The following BCL11B variants were observed in gnomAD, a reference collection of about 807,000 sequenced individuals.
The protein encoded by BCL11B is BCL11 transcription factor B.
A neutral mutation model predicts 49.9 loss-of-function variants in BCL11B; 8 were observed. The observed-to-expected ratio is 0.16, with a 90% CI of 0.09 to 0.29. The LOEUF (loss-of-function observed/expected upper bound fraction) is 0.29, where lower values mean the gene tolerates loss of function less well. Ranked by LOEUF, BCL11B falls within the 10% of genes least tolerant of loss-of-function variation. The probability of loss-of-function intolerance (pLI) is 1.00; values close to 1 mark genes in which losing one functional copy is unlikely to be tolerated. For missense variants in BCL11B, 1,006 were observed against 1,351.0 expected, an observed-to-expected ratio of 0.74 and a Z score of 4.00; for synonymous variants, 739 against 637.4, an observed-to-expected ratio of 1.16 and a Z score of -2.40.
intron 1 of BCL11B, 76 bp downstream of exon 1, chr14:99,271,085 C>T (rs1889663137): frequency 5.6e-6 from 8 of 1,418,228 alleles, no homozygotes; most frequent in Non-Finnish European, 7.4e-6. Context: ...CTCGGCTGTT[C>T]CGGGCTCGGT....
chr14:99,177,144 G>A (rs1371395105), intron 3 of BCL11B, among the ~76,000 whole-genome samples: 1 of 151,996 alleles, frequency 6.6e-6, no homozygotes, highest in East Asian at 1.9e-4. Context: ...AACACCGCTT[G>A]GAATTCCACC....
rs1486331322 is a variant in BCL11B at position 99,241,120 on chromosome 14, C to G, written c.428-9563G>C. On this transcript the variant is annotated intron_variant, in intron 2 of 3. Transcript: ENST00000357195. The surrounding 1 kb of genome is among the most constrained non-coding windows in gnomAD (Gnocchi z 4.4). ...GCAAAGATCCCGCGATAAGACAAGC[C>G]TCTTCTCCCTACAGGAGTGCCCAGT... Among the ~76,000 whole-genome samples the G allele has an allele frequency of 6.6e-6, 1 of 152,146 alleles. No individual in the cohort carries two copies. Among genetic ancestry groups the G allele is most frequent in the African/African-American group, 2.4e-5 (1 of 41,438 alleles).
Position 99,174,505 on chromosome 14 carries a change from C to T in BCL11B, c.2331G>A (p.Pro777=), listed in dbSNP as rs745579908. The part of the protein sequence containing the change: ...RSGTASGGST[P]HLGGPGPGRP... ...GCCCGGGGCCCGGGCCGCCCAGGTG[C>T]GGGGTGCTGCCTCCGCTGGCCGTGC... The change falls in exon 4 of 4, where the codon CCG becomes CCA. Residue 777 remains proline, a synonymous_variant. Transcript: ENST00000357195. 1.3e-6 allele frequency: 2 copies of T among 1,542,806 alleles called. No individual in the cohort carries two copies. The highest frequency in any genetic ancestry group is 2.5e-5 in the East Asian group (1 of 40,592).
chr14:99,191,103 T>G (rs1312212669), intron 3 of BCL11B, among the ~76,000 whole-genome samples: 1 of 152,156 alleles, frequency 6.6e-6, no homozygotes, highest in African/African-American at 2.4e-5. Context: ...TGTTGTCAGT[T>G]AGAAAAAAAC....
intron 3 of BCL11B, among the ~76,000 whole-genome samples, chr14:99,198,357 G>A (rs901959946): frequency 1.3e-5 from 2 of 152,176 alleles, no homozygotes; most frequent in African/African-American, 4.8e-5. Flanking sequence ...GACATCGAAC[G>A]GCTGAGCTCT....
chr14:99,237,678 G>A (rs1400272514), intron 2 of BCL11B, among the ~76,000 whole-genome samples: 1 of 152,178 alleles, frequency 6.6e-6, no homozygotes, highest in Non-Finnish European at 1.5e-5. Context: ...GCAACGAAAA[G>A]GGAAAGTCAG....
intron 2 of BCL11B, among the ~76,000 whole-genome samples, chr14:99,253,314 A>T (rs1003990652): frequency 1.3e-5 from 2 of 152,198 alleles, no homozygotes; most frequent in Non-Finnish European, 2.9e-5. Flanking sequence ...GACGGGAGAG[A>T]GTCTACTCCA....
At position 99,174,154 on chromosome 14, in the gene BCL11B, G is replaced by C; in HGVS notation, c.2682C>G (p.Ser894Arg). Residue 894 changes from serine (S) to arginine (R), a missense_variant, in exon 4 of 4, where the codon AGC becomes AGG. Ser to Arg is a moderately radical substitution (Grantham distance 110, BLOSUM62 -1). Transcript: ENST00000357195. ...NDVKIEQAER[S>R] Reference sequence around the variant, plus strand: ...CGGGGCGCCGGGGCCCGCGCGCTTAGCTCCTCTCGGCCTGCTCGATTTTGA... The same window carrying C: ...CGGGGCGCCGGGGCCCGCGCGCTTACCTCCTCTCGGCCTGCTCGATTTTGA... The C allele has an allele frequency of 6.2e-7, 1 of 1,611,806 alleles. No individual in the cohort carries two copies. Among genetic ancestry groups the C allele is most frequent in the South Asian group, 1.1e-5 (1 of 91,062 alleles).
chr14:99,174,569 G>A lies in BCL11B; in HGVS notation c.2267C>T (p.Pro756Leu). Residue 756 changes from proline to leucine, a missense_variant, in exon 4 of 4, where the codon CCC (proline) becomes CTC (leucine). By Grantham distance (98) the Pro-to-Leu change is moderately conservative. Coordinates refer to ENST00000357195, the MANE Select transcript of BCL11B (RefSeq NM_138576.4). ...GAGGCCGCCGTCCAGCAGGTCCCCG[G>A]GCGGCGTGGAGAAGCGCAGGCTGCC... ...ENGSLRFSTP[P>L]GDLLDGGLSG... The A allele has an allele frequency of 6.6e-7, 1 of 1,517,968 alleles. No individual in the cohort carries two copies. Among genetic ancestry groups the A allele is most frequent in the Non-Finnish European group, 8.8e-7 (1 of 1,135,548 alleles). The allele number at this position is 1,517,968 out of a possible 1,614,324, so 94.0% of individuals were successfully genotyped here.
At chr14:99,204,462 G>A (rs182142502) in intron 3 of BCL11B, among the ~76,000 whole-genome samples, 2 of 152,260 alleles carry the variant, frequency 1.3e-5, no homozygotes, top group African/African-American at 2.4e-5. Flanking sequence ...AGGGGGGAGG[G>A]AGGCAGGCAG....
chr14:99,219,872 C>A (rs939264441), intron 3 of BCL11B, among the ~76,000 whole-genome samples: 2 of 151,462 alleles, frequency 1.3e-5, no homozygotes, highest in African/African-American at 4.9e-5. Context: ...CAACCATTTC[C>A]AAGACAAAGG....
At chr14:99,185,754 C>G (rs968816857) in intron 3 of BCL11B, among the ~76,000 whole-genome samples, 12 of 151,632 alleles carry the variant, frequency 7.9e-5, no homozygotes, top group African/African-American at 2.9e-4. Context: ...CACTCGCCCT[C>G]CTGACCCAGG....
intron 3 of BCL11B, among the ~76,000 whole-genome samples, chr14:99,227,692 C>A (rs1427249961): frequency 1.3e-5 from 2 of 152,206 alleles, no homozygotes; most frequent in South Asian, 4.1e-4. Flanking sequence ...TACATACATA[C>A]GTGTATTTTT....
Position 99,205,082 on chromosome 14 carries a change from C to T in BCL11B, c.640+26263G>A, listed in dbSNP as rs554831889. On this transcript the variant is annotated intron_variant, in intron 3 of 3. Coordinates refer to ENST00000357195, the MANE Select transcript of BCL11B (RefSeq NM_138576.4). The surrounding 1 kb of genome is among the most constrained non-coding windows in gnomAD (Gnocchi z 5.0). ...TGTTCAGGGGATGCCCCTCCAGTTA[C>T]ATTACTTTGAAAGGGAGCATAATAT... is the stretch of plus-strand genomic sequence containing the variant. Among the ~76,000 whole-genome samples the T allele has an allele frequency of 2.6e-5, 4 of 152,148 alleles. No individual in the cohort carries two copies. The highest frequency in any genetic ancestry group is 4.2e-4 in the South Asian group (2 of 4,816).
intron 3 of BCL11B, among the ~76,000 whole-genome samples, chr14:99,208,430 T>C (rs1362203102): frequency 1.3e-5 from 2 of 152,194 alleles, no homozygotes; most frequent in Non-Finnish European, 2.9e-5. Flanking sequence ...ATTTGGAGTT[T>C]ATTAAGCAGT....
In BCL11B at chr14:99,175,913, C is replaced by A. The variant is rs1415079871; in HGVS notation, c.923G>T (p.Gly308Val). The A allele has an allele frequency of 1.4e-6, 2 of 1,448,474 alleles. No homozygotes were observed. The highest frequency in any genetic ancestry group is 1.8e-6 in the Non-Finnish European group (2 of 1,102,984). 89.7% of individuals were successfully genotyped at this position (1,448,474 alleles called of 1,614,324 possible). A position where few individuals can be genotyped will look rare whatever the true frequency, so the allele number is the denominator to read the frequency against. ...GAGAGGCGGCGTGCCCGGCAGGCGG[C>A]CCTCGCCGAAGCCCGGGTGGTCCCG... ...ILRDHPGFGE[G>V]RLPGTPPLFS... is the part of the protein sequence containing the mutation. Residue 308 changes from glycine (G) to valine (V), a missense_variant, in exon 4 of 4, where the codon GGC becomes GTC. Transcript: ENST00000357195.
chr14:99,174,850 G>C lies in BCL11B; in HGVS notation c.1986C>G (p.Thr662=), dbSNP rs761905083. 8 of 1,249,372 alleles carry C rather than the reference G, an allele frequency of 6.4e-6. No individual in the cohort carries two copies. The highest frequency in any genetic ancestry group is 6.1e-5 in the South Asian group (2 of 32,788). 77.4% of individuals were successfully genotyped at this position (1,249,372 alleles called of 1,614,324 possible). A position where few individuals can be genotyped will look rare whatever the true frequency, so the allele number is the denominator to read the frequency against. The part of the protein sequence containing the change: ...NGRGGGFAPG[T]EPFPGLFPRK... ...GCGGGAAGAGCCCGGGGAAGGGCTCGGTGCCTGGCGCGAAGCCGCCCCCGC... is the reference window on the plus strand; with the variant it reads ...GCGGGAAGAGCCCGGGGAAGGGCTCCGTGCCTGGCGCGAAGCCGCCCCCGC... The change falls in exon 4 of 4, where the codon ACC becomes ACG. Residue 662 remains threonine (T), a synonymous_variant. Transcript: ENST00000357195.
At chr14:99,188,099 T>C (rs1257428) in intron 3 of BCL11B, among the ~76,000 whole-genome samples, 126,413 of 152,124 alleles carry the variant, frequency 0.83, 53,061 homozygotes, top group Middle Eastern at 0.96. Context: ...TGTTCCGGTC[T>C]GCGGGGATTG....
intron 3 of BCL11B, among the ~76,000 whole-genome samples, chr14:99,196,191 C>T (rs947556756): frequency 6.6e-6 from 1 of 152,144 alleles, no homozygotes; most frequent in Non-Finnish European, 1.5e-5. Flanking sequence ...CAATGCTGCC[C>T]CCCAGCCCAC....
Sources: gnomAD v4.1 joint callset for allele counts (sites outside exome capture counted in the v4.1 genomes callset) on GRCh38, gnomAD v4.1.1 for gene constraint, Gnocchi (gnomAD v3.1) non-coding constraint, MANE v1.5 for transcripts, NCBI Gene and HGNC (gene_info 2026-07-23, HGNC 2026-07-21) for gene names.